Variants in ALPK1 observed in about 807,000 individuals in gnomAD.
ALPK1 encodes the protein alpha-protein kinase 1.
In ALPK1, 110 loss-of-function variants were observed where a neutral mutation model predicts 120.6. That is an observed-to-expected ratio of 0.91 (90% CI 0.78 to 1.07). The LOEUF (loss-of-function observed/expected upper bound fraction) is 1.07, where lower values mean the gene tolerates loss of function less well. Ranked by LOEUF, ALPK1 falls within the 50% of genes least tolerant of loss-of-function variation. The pLI, the probability that ALPK1 is intolerant of heterozygous loss-of-function variation, is 0.00. For missense variants in ALPK1, 1,498 were observed against 1,483.9 expected (o/e 1.01, Z -0.16); for synonymous variants, 582 against 560.3 (o/e 1.04, Z -0.55).
Position 112,382,540 on chromosome 4 carries a change from G to A in ALPK1, c.264G>A (p.Leu88=), listed in dbSNP as rs757166992. The change falls in exon 4 of 16, where the codon TTG becomes TTA. Residue 88 remains leucine (L), a synonymous_variant. Transcript: ENST00000650871. ...TNLKDVIGAG[L]QQLLASLRAS... is the part of the protein sequence containing the mutation. ...TGAAGGATGTGATTGGCGCCGGGTT[G>A]CAGCAGTTACTGGTAGGAAGAGCCA... The A allele has an allele frequency of 6.2e-7, 1 of 1,614,028 alleles. No homozygotes were observed. Among genetic ancestry groups the A allele is most frequent in the African/African-American group, 1.3e-5 (1 of 74,910 alleles).
At chr4:112,429,509 C>A (rs12649485) in intron 10 of ALPK1, among the ~76,000 whole-genome samples, 41,815 of 151,888 alleles carry the variant, frequency 0.28, 6,312 homozygotes, top group East Asian at 0.63. Context: ...AGCCTGAGTG[C>A]ACATCAAAAT....
intron 13 of ALPK1, 141 bp from the exon 14 acceptor site, chr4:112,439,545 A>C: frequency 1.6e-6 from 1 of 616,838 alleles, no homozygotes; most frequent in Non-Finnish European, 2.7e-6. Flanking sequence ...GGTAGTTATA[A>C]TTATACCTAC....
At chr4:112,416,959 T>C (rs1211703564) in intron 5 of ALPK1, among the ~76,000 whole-genome samples, 2 of 150,850 alleles carry the variant, frequency 1.3e-5, no homozygotes, top group African/African-American at 4.9e-5. Flanking sequence ...AATAAGAAAG[T>C]CTTAAAGAAA....
At chr4:112,391,458 G>C (rs548181645) in intron 4 of ALPK1, among the ~76,000 whole-genome samples, 1 of 152,166 alleles carries the variant, frequency 6.6e-6, no homozygotes, top group Non-Finnish European at 1.5e-5. Flanking sequence ...CCCCCCAAAT[G>C]ATGCATTAAA....
At chr4:112,404,960 T>C (rs1733100381) in intron 4 of ALPK1, among the ~76,000 whole-genome samples, 3 of 152,198 alleles carry the variant, frequency 2.0e-5, no homozygotes, top group African/African-American at 7.2e-5. Context: ...ACAAGACTCT[T>C]CTACACTGGG....
intron 2 of ALPK1, among the ~76,000 whole-genome samples, chr4:112,366,455 A>G (rs1022525122): frequency 6.6e-6 from 1 of 152,240 alleles, no homozygotes; most frequent in African/African-American, 2.4e-5. Flanking sequence ...AAAAATGCTT[A>G]ACATCATTAA....
In ALPK1 at chr4:112,441,476, G is replaced by T. The variant is rs557635894; in HGVS notation, c.*266G>T. On this transcript the variant is annotated 3_prime_UTR_variant, in exon 16 of 16. Coordinates refer to ENST00000650871, the MANE Select transcript of ALPK1 (RefSeq NM_025144.4). ...GGGATGAAAAGCACTCTTGAGAAAG[G>T]CATGTGTTGTTTAAGCCATTGAGAT... is the stretch of plus-strand genomic sequence containing the variant. The T allele has an allele frequency of 4.0e-6, 2 of 505,286 alleles. No homozygotes were observed. Among genetic ancestry groups the T allele is most frequent in the Admixed American group, 6.9e-5 (2 of 28,794 alleles). The allele number at this position is 505,286 out of a possible 1,614,324, so 31.3% of individuals were successfully genotyped here.
intron 5 of ALPK1, chr4:112,412,519 T>C (rs1184704591): frequency 6.9e-6 from 3 of 437,098 alleles, no homozygotes; most frequent in Non-Finnish European, 1.4e-5. Context: ...TGATTAGGTC[T>C]TAAAGTATCT....
At chr4:112,358,436 C>T (rs1019378244) in intron 2 of ALPK1, 12 of 650,720 alleles carry the variant, frequency 1.8e-5, no homozygotes, top group African/African-American at 3.6e-5. Context: ...AACTGGCCCC[C>T]TCCTCTCCAC....
intron 4 of ALPK1, among the ~76,000 whole-genome samples, chr4:112,395,481 T>C (rs1303038033): frequency 1.3e-5 from 2 of 152,260 alleles, no homozygotes; most frequent in Admixed American, 6.5e-5. Flanking sequence ...TTAAAACATT[T>C]TTATTGCTCA....
chr4:112,344,908 GTTAGT>G (rs1730039461), intron 2 of ALPK1, among the ~76,000 whole-genome samples: 1 of 152,214 alleles, frequency 6.6e-6, no homozygotes, highest in Non-Finnish European at 1.5e-5. Flanking sequence ...GATTTAAAAT[GTTAGT>G]TAATTTGGTT....
chr4:112,401,589 G>C (rs1470220932), intron 4 of ALPK1, among the ~76,000 whole-genome samples: 2 of 151,944 alleles, frequency 1.3e-5, no homozygotes, highest in South Asian at 4.1e-4. Flanking sequence ...CAATGTGGAT[G>C]CTGAAATCAC....
chr4:112,330,675 C>A (rs1729329452), intron 2 of ALPK1, among the ~76,000 whole-genome samples: 2 of 152,150 alleles, frequency 1.3e-5, no homozygotes. Flanking sequence ...ATACTATTTT[C>A]TCTATACCAG....
At chr4:112,351,484 A>T (rs1012202852) in intron 2 of ALPK1, among the ~76,000 whole-genome samples, 9 of 148,960 alleles carry the variant, frequency 6.0e-5, no homozygotes, top group Non-Finnish European at 1.0e-4. Context: ...CTTTTTTTTC[A>T]TTTTTTTTTT....
At chr4:112,416,197 G>C (rs1489374380) in intron 5 of ALPK1, among the ~76,000 whole-genome samples, 5 of 152,094 alleles carry the variant, frequency 3.3e-5, no homozygotes, top group African/African-American at 1.2e-4. Context: ...AACCTTGCTT[G>C]ACTAGCAAGG....
intron 5 of ALPK1, among the ~76,000 whole-genome samples, chr4:112,417,450 G>T (rs919111681): frequency 1.3e-5 from 2 of 152,064 alleles, no homozygotes; most frequent in Non-Finnish European, 2.9e-5. Flanking sequence ...AATCAAGGAA[G>T]GTTTATTCCA....
Position 112,397,234 on chromosome 4 carries a change from G to A in ALPK1, c.277-14593G>A, listed in dbSNP as rs114473367. The stretch of plus-strand genomic sequence containing the variant: ...AGTAACGGATTTCACTAGCTTCTTC[G>A]TAAAAGTAGTCCCAATATTGGCTTC... On this transcript the variant is annotated intron_variant, in intron 4 of 15. Coordinates refer to ENST00000650871, the MANE Select transcript of ALPK1 (RefSeq NM_025144.4). Among the ~76,000 whole-genome samples, 733 of 152,204 alleles carry A rather than the reference G, an allele frequency of 4.8e-3. 7 individuals carry two copies. Among genetic ancestry groups the A allele is most frequent in the African/African-American group, 0.016 (674 of 41,524 alleles).
chr4:112,410,518 A>C (rs909005718), intron 4 of ALPK1, among the ~76,000 whole-genome samples: 3 of 152,262 alleles, frequency 2.0e-5, no homozygotes, highest in African/African-American at 7.2e-5. Context: ...TGATGAAAGC[A>C]GTACTTTGTG....
At chr4:112,313,557 T>C (rs1022464324) in intron 1 of ALPK1, among the ~76,000 whole-genome samples, 3 of 152,168 alleles carry the variant, frequency 2.0e-5, no homozygotes, top group Admixed American at 6.5e-5. Flanking sequence ...AACCCATCTC[T>C]ACTAAAAATA....
Sources: allele counts gnomAD v4.1 joint callset (sites outside exome capture counted in the v4.1 genomes callset), GRCh38; gene constraint gnomAD v4.1.1; transcripts MANE v1.5; gene names NCBI Gene and HGNC (gene_info 2026-07-23, HGNC 2026-07-21).